ZMAT4: variants seen among roughly 807,000 people sequenced by gnomAD.
The protein encoded by ZMAT4 is zinc finger matrin-type protein 4.
Under a neutral mutation model 28.7 loss-of-function variants are expected in ZMAT4, and 17 were observed. The ratio of observed to expected loss-of-function variants is 0.59; its 90% CI spans 0.41 to 0.89. The LOEUF is 0.89. ZMAT4 is among the 40% of genes least tolerant of loss of function. ZMAT4 has a pLI of 0.00. For missense variants in ZMAT4, 240 were observed against 283.8 expected (o/e 0.85, Z 1.11); for synonymous variants, 117 against 109.2 (o/e 1.07, Z -0.44).
chr8:40,648,511 T>C (rs1807464558), intron 5 of ZMAT4, among the ~76,000 whole-genome samples: 2 of 150,324 alleles, frequency 1.3e-5, no homozygotes, highest in Admixed American at 6.7e-5. Context: ...CAGGATATTG[T>C]CCAGGAGAAC....
intron 3 of ZMAT4, among the ~76,000 whole-genome samples, chr8:40,702,775 T>C (rs1810201713): frequency 6.6e-6 from 1 of 152,194 alleles, no homozygotes; most frequent in South Asian, 2.1e-4. Context: ...GCATGCGTCA[T>C]AGTGCTGCTG....
chr8:40,698,367 T>C (rs986151293), intron 3 of ZMAT4, among the ~76,000 whole-genome samples: 11 of 152,210 alleles, frequency 7.2e-5, no homozygotes, highest in South Asian at 2.1e-4. Flanking sequence ...CCTATACTTA[T>C]GAAGGGAAGG....
At chr8:40,671,425 A>G (rs760766042) in intron 5 of ZMAT4, among the ~76,000 whole-genome samples, 4 of 152,202 alleles carry the variant, frequency 2.6e-5, no homozygotes, top group Non-Finnish European at 5.9e-5. Flanking sequence ...AAGTTCATCA[A>G]TGAATAGAGT....
chr8:40,826,853 C>T (rs555482379), intron 1 of ZMAT4, among the ~76,000 whole-genome samples: 2 of 152,264 alleles, frequency 1.3e-5, no homozygotes, highest in Admixed American at 1.3e-4. Flanking sequence ...GCTGAAGGAT[C>T]TCATGTTACC....
chr8:40,628,206 A>C (rs1037958915), intron 5 of ZMAT4, among the ~76,000 whole-genome samples: 2 of 152,190 alleles, frequency 1.3e-5, no homozygotes, highest in African/African-American at 4.8e-5. Context: ...AAGGGTACAA[A>C]GAAGAGATTT....
chr8:40,875,801 T>G (rs1818023504), intron 1 of ZMAT4, among the ~76,000 whole-genome samples: 1 of 151,982 alleles, frequency 6.6e-6, no homozygotes, highest in Admixed American at 6.5e-5. Context: ...CGCCCTTCTG[T>G]GCATCCATCT....
intron 5 of ZMAT4, among the ~76,000 whole-genome samples, chr8:40,601,416 G>GGAAA (rs1409813379): frequency 1.2e-5 from 1 of 82,780 alleles, no homozygotes; most frequent in Non-Finnish European, 2.1e-5. Context: ...AAGGAAGGAA[G>GGAAA]GAAGGAAGGA....
At chr8:40,881,605 A>AAGAG (rs1271429764) in intron 1 of ZMAT4, among the ~76,000 whole-genome samples, 1 of 151,134 alleles carries the variant, frequency 6.6e-6, no homozygotes, top group South Asian at 2.1e-4. Context: ...AAAGAAAAGA[A>AAGAG]AAGAAAAGAG....
chr8:40,677,961 T>C (rs1175725666), intron 4 of ZMAT4, among the ~76,000 whole-genome samples: 1 of 152,162 alleles, frequency 6.6e-6, no homozygotes, highest in Non-Finnish European at 1.5e-5. Flanking sequence ...TAAAAGTTTC[T>C]GTGTCCAGAC....
At chr8:40,601,401 AAAGAAAGG>A (rs796655012) in intron 5 of ZMAT4, among the ~76,000 whole-genome samples, 3,271 of 31,430 alleles carry the variant, frequency 0.1, 608 homozygotes, top group Admixed American at 0.12. Flanking sequence ...AGGAAGGAGG[AAAGAAAGG>A]AAGGAAGGAA....
chr8:40,646,541 C>T (rs1202030007), intron 5 of ZMAT4, among the ~76,000 whole-genome samples: 1 of 151,726 alleles, frequency 6.6e-6, no homozygotes, highest in African/African-American at 2.4e-5. Context: ...TTTATATTAA[C>T]CAATTTAAAA....
intron 2 of ZMAT4, among the ~76,000 whole-genome samples, chr8:40,825,267 C>T (rs1046436458): frequency 1.3e-5 from 2 of 152,124 alleles, no homozygotes; most frequent in Non-Finnish European, 2.9e-5. Flanking sequence ...CTGAAAGGAA[C>T]TTTGTGGATG....
intron 2 of ZMAT4, among the ~76,000 whole-genome samples, chr8:40,814,129 G>T (rs998800420): frequency 2.0e-5 from 3 of 152,168 alleles, no homozygotes; most frequent in African/African-American, 7.2e-5. Flanking sequence ...TTTGAAGTTA[G>T]AAAAGTTCCA....
At chr8:40,756,426 T>TA (rs1812683324) in intron 3 of ZMAT4, among the ~76,000 whole-genome samples, 2 of 73,276 alleles carry the variant, frequency 2.7e-5, no homozygotes, top group African/African-American at 6.1e-5. Context: ...AAATGTTCTT[T>TA]TATATATATA....
rs74386500 is a variant in ZMAT4, at chr8:40,725,795, A to C, written c.193-28394T>G. Among the ~76,000 whole-genome samples the C allele has an allele frequency of 5.5e-4, 84 of 152,314 alleles. No homozygotes were observed. The East Asian group carries it at 0.016, about 29-fold the overall frequency. ...AAAAAAAAGAAAAAAAGAAAAAACA[A>C]TCATGATTTCATGTCAGCCTACTTT... is the stretch of plus-strand genomic sequence containing the variant. On this transcript the variant is annotated intron_variant, in intron 3 of 6. Transcript: ENST00000297737.
intron 5 of ZMAT4, among the ~76,000 whole-genome samples, chr8:40,612,216 T>TGCAATGACG (rs371491123): frequency 2.1e-5 from 3 of 141,956 alleles, no homozygotes; most frequent in Non-Finnish European, 4.9e-5. Context: ...TCAATGCTCA[T>TGCAATGACG]TCATATCCTC....
intron 6 of ZMAT4, among the ~76,000 whole-genome samples, chr8:40,556,192 G>T (rs912680924): frequency 6.6e-6 from 1 of 151,972 alleles, no homozygotes; most frequent in African/African-American, 2.4e-5. Context: ...CATGCTCATG[G>T]TTTTAACTAC....
chr8:40,835,610 T>C (rs182430284), intron 1 of ZMAT4, among the ~76,000 whole-genome samples: 7 of 152,344 alleles, frequency 4.6e-5, no homozygotes, highest in Admixed American at 1.3e-4. Context: ...ATGATTTATC[T>C]TCACAAGACT....
At chr8:40,686,804 G>A (rs550017518) in intron 4 of ZMAT4, among the ~76,000 whole-genome samples, 1 of 152,218 alleles carries the variant, frequency 6.6e-6, no homozygotes, top group South Asian at 2.1e-4. Flanking sequence ...GGGGCCAGTG[G>A]TTCAATTTCA....
Sources: gnomAD v4.1 joint callset for allele counts (sites outside exome capture counted in the v4.1 genomes callset) on GRCh38, gnomAD v4.1.1 for gene constraint, MANE v1.5 for transcripts, NCBI Gene and HGNC (gene_info 2026-07-23, HGNC 2026-07-21) for gene names.